Variants in AUTS2 observed in about 807,000 individuals in gnomAD.
AUTS2 encodes autism susceptibility gene 2 protein.
In AUTS2, 17 loss-of-function variants were observed where a neutral mutation model predicts 112.4. That is an observed-to-expected ratio of 0.15 (90% CI 0.10 to 0.23). The LOEUF (loss-of-function observed/expected upper bound fraction) is 0.23. Ranked by LOEUF, AUTS2 falls within the 10% of genes least tolerant of loss-of-function variation. The probability of loss-of-function intolerance (pLI) is 1.00; values close to 1 mark genes in which losing one functional copy is unlikely to be tolerated. For synonymous variants in AUTS2, 751 were observed against 702.7 expected, an observed-to-expected ratio of 1.07 and a Z score of -1.09; for missense variants, 1,510 against 1,701.6, an observed-to-expected ratio of 0.89 and a Z score of 1.98.
At chr7:70,594,330 G>A (rs1230400595) in intron 5 of AUTS2, among the ~76,000 whole-genome samples, 2 of 152,144 alleles carry the variant, frequency 1.3e-5, no homozygotes, top group African/African-American at 4.8e-5. Context: ...TGAAAATACA[G>A]ATTGCTGGGC....
rs1340688801 is a variant in AUTS2 at position 70,477,684 on chromosome 7, G to T, written c.690+41903G>T. Among the ~76,000 whole-genome samples the T allele has an allele frequency of 5.9e-5, 9 of 152,122 alleles. 1 individual carries two copies. The highest frequency in any genetic ancestry group is 1.3e-4 in the Admixed American group (2 of 15,280). The stretch of plus-strand genomic sequence containing the variant: ...CTATTTATAGGTTTGTGCAAGCTAG[G>T]TAAGAATATAGATTAAATCTCAGAT... On this transcript the variant is annotated intron_variant, in intron 5 of 18. Coordinates refer to ENST00000342771, the MANE Select transcript of AUTS2 (RefSeq NM_015570.4).
chr7:69,667,567 G>T (rs1177170937), intron 1 of AUTS2, among the ~76,000 whole-genome samples: 1 of 151,964 alleles, frequency 6.6e-6, no homozygotes, highest in Non-Finnish European at 1.5e-5. Flanking sequence ...TATTGGCCAG[G>T]CTGGTCTCAA....
chr7:70,640,573 GT>G (rs398111448), intron 5 of AUTS2, among the ~76,000 whole-genome samples: 5 of 14,068 alleles, frequency 3.6e-4, no homozygotes, highest in South Asian at 3.5e-3. Context: ...AGAACTAATG[GT>G]GTGTGTGTGT....
At chr7:70,688,236 T>C (rs1286398888) in intron 5 of AUTS2, among the ~76,000 whole-genome samples, 3 of 152,190 alleles carry the variant, frequency 2.0e-5, no homozygotes, top group Non-Finnish European at 4.4e-5. Flanking sequence ...CCTCTCATCA[T>C]GGGTATGTTG....
intron 5 of AUTS2, among the ~76,000 whole-genome samples, chr7:70,583,715 G>A (rs570911548): frequency 4.6e-5 from 7 of 152,314 alleles, no homozygotes; most frequent in African/African-American, 1.7e-4. Context: ...AACCCGCACC[G>A]CACGGCTCAG....
intron 4 of AUTS2, among the ~76,000 whole-genome samples, chr7:70,372,308 C>T (rs771515849): frequency 1.4e-4 from 21 of 152,154 alleles, no homozygotes; most frequent in Non-Finnish European, 3.1e-4. Context: ...CAGGGAAGGT[C>T]AAGTTGAGTT....
At chr7:70,560,741 G>A (rs774306991) in intron 5 of AUTS2, among the ~76,000 whole-genome samples, 4 of 152,166 alleles carry the variant, frequency 2.6e-5, no homozygotes, top group Non-Finnish European at 5.9e-5. Context: ...TCACTGCTAG[G>A]TGTCTCCTTT....
intron 5 of AUTS2, among the ~76,000 whole-genome samples, chr7:70,537,242 A>G (rs769651733): frequency 2.0e-5 from 3 of 152,232 alleles, no homozygotes; most frequent in Non-Finnish European, 4.4e-5. Context: ...AATCTGGTGT[A>G]AAACAAAATA....
rs375279681 is a variant in AUTS2, at chr7:70,348,670, C to T, written c.661-87082C>T. On this transcript the variant is annotated intron_variant, in intron 4 of 18. Coordinates refer to ENST00000342771, the MANE Select transcript of AUTS2 (RefSeq NM_015570.4). ...AATACAAAAAAAAAAATTAGCCAGG[C>T]GAGGTGGCGGGCGCCTGTAGTCCCA... 4.1e-4 allele frequency among the ~76,000 whole-genome samples: 62 copies of T among 152,178 alleles called. No individual in the cohort carries two copies. In the East Asian group the frequency reaches 0.011, roughly 28 times the overall value.
At chr7:70,690,909 T>A (rs1166850748) in intron 5 of AUTS2, among the ~76,000 whole-genome samples, 1 of 152,196 alleles carries the variant, frequency 6.6e-6, no homozygotes, top group Non-Finnish European at 1.5e-5. Context: ...TATAGTGAGC[T>A]ATGATTGTGC....
intron 1 of AUTS2, among the ~76,000 whole-genome samples, chr7:69,875,043 T>C (rs1365078072): frequency 1.3e-5 from 2 of 152,022 alleles, no homozygotes; most frequent in Non-Finnish European, 2.9e-5. Context: ...CCCTTTTTTT[T>C]TTTCCATTTT....
chr7:69,608,535 T>G (rs971935267), intron 1 of AUTS2, among the ~76,000 whole-genome samples: 5 of 152,246 alleles, frequency 3.3e-5, no homozygotes, highest in Non-Finnish European at 7.3e-5. Context: ...TTTGTTCAGT[T>G]ATACTCGTTG....
chr7:70,286,630 G>A (rs1480486496), intron 4 of AUTS2, among the ~76,000 whole-genome samples: 1 of 152,140 alleles, frequency 6.6e-6, no homozygotes, highest in Non-Finnish European at 1.5e-5. Flanking sequence ...CTAATATTGT[G>A]TTTAAAGAGA....
chr7:70,741,691 CAA>C (rs113690094), intron 6 of AUTS2, among the ~76,000 whole-genome samples: 6 of 114,910 alleles, frequency 5.2e-5, no homozygotes, highest in Admixed American at 9.3e-5. Context: ...AACTCTATCT[CAA>C]AAAAAAAAAA....
chr7:69,937,980 T>G (rs897157163), intron 2 of AUTS2, among the ~76,000 whole-genome samples: 1 of 152,210 alleles, frequency 6.6e-6, no homozygotes, highest in Non-Finnish European at 1.5e-5. Context: ...TGAGAGGTTT[T>G]GGGTGGGAAG....
chr7:70,538,847 A>G (rs1396107692), intron 5 of AUTS2, among the ~76,000 whole-genome samples: 1 of 152,210 alleles, frequency 6.6e-6, no homozygotes, highest in East Asian at 1.9e-4. Context: ...TAGAACAGTT[A>G]TATATTCTTT....
At chr7:69,731,677 G>A (rs140110960) in intron 1 of AUTS2, among the ~76,000 whole-genome samples, 127 of 152,264 alleles carry the variant, frequency 8.3e-4, no homozygotes, top group Admixed American at 4.2e-3. Flanking sequence ...TCAAGAGGTT[G>A]TTCCCTTTTT....
chr7:69,840,256 A>G (rs898374152), intron 1 of AUTS2, among the ~76,000 whole-genome samples: 2 of 152,182 alleles, frequency 1.3e-5, no homozygotes, highest in African/African-American at 2.4e-5. Context: ...TCAGAGTTAA[A>G]TTACATGTTT....
intron 1 of AUTS2, among the ~76,000 whole-genome samples, chr7:69,706,432 G>A (rs1045244209): frequency 1.3e-5 from 2 of 152,170 alleles, no homozygotes; most frequent in African/African-American, 4.8e-5. Context: ...TTGTCTGTCA[G>A]CTCTTCCTCC....
Sources: allele counts gnomAD v4.1 joint callset (sites outside exome capture counted in the v4.1 genomes callset), GRCh38; gene constraint gnomAD v4.1.1; transcripts MANE v1.5; gene names NCBI Gene and HGNC (gene_info 2026-07-23, HGNC 2026-07-21).